The following CPEB2 variants were observed in gnomAD, a reference collection of about 807,000 sequenced individuals.
CPEB2 encodes cytoplasmic polyadenylation element binding protein 2.
CPEB2 carries 56 observed loss-of-function variants against 93.6 expected under a neutral mutation model. That is an observed-to-expected ratio of 0.60 (90% confidence interval 0.48 to 0.75). The LOEUF is 0.75. Among genes scored for constraint, CPEB2 ranks in the 30% least tolerant of loss-of-function variants. The pLI is 0.00. For missense variants in CPEB2, 1,579 were observed against 1,395.1 expected (o/e 1.13, Z -2.10); for synonymous variants, 764 against 586.3 (o/e 1.30, Z -4.38).
chr4:15,028,795 C>T (rs778168224), intron 4 of CPEB2, among the ~76,000 whole-genome samples: 14 of 151,978 alleles, frequency 9.2e-5, no homozygotes, highest in Non-Finnish European at 1.6e-4. Context: ...GTTTGAGGAA[C>T]AGCAGAGATC....
At chr4:15,046,812 G>A (rs959075524) in intron 6 of CPEB2, among the ~76,000 whole-genome samples, 1 of 152,092 alleles carries the variant, frequency 6.6e-6, no homozygotes, top group African/African-American at 2.4e-5. Context: ...GCAGAAAAAT[G>A]TCTAAATTTT....
chr4:15,017,629 T>C (rs1175280357), intron 4 of CPEB2, among the ~76,000 whole-genome samples: 1 of 151,850 alleles, frequency 6.6e-6, no homozygotes, highest in Non-Finnish European at 1.5e-5. Flanking sequence ...GTATTCACAA[T>C]TTGCAGTGAT....
chr4:15,040,508 A>G (rs995054156), intron 6 of CPEB2, 21 bp downstream of exon 6: 53 of 1,534,170 alleles, frequency 3.5e-5, no homozygotes, highest in Non-Finnish European at 4.4e-5. Context: ...TCTGTTTGCT[A>G]TGGTATAATT....
intron 3 of CPEB2, among the ~76,000 whole-genome samples, chr4:15,012,088 A>G (rs1441865945): frequency 6.6e-6 from 1 of 152,196 alleles, no homozygotes; most frequent in Non-Finnish European, 1.5e-5. Context: ...ACCAAACCCA[A>G]TTTGTTTATC....
chr4:15,024,027 A>G (rs1278298684), intron 4 of CPEB2, among the ~76,000 whole-genome samples: 2 of 152,030 alleles, frequency 1.3e-5, no homozygotes, highest in African/African-American at 4.8e-5. Flanking sequence ...CCTGGAATTA[A>G]TCATTATCTT....
chr4:15,028,726 T>G (rs1459429716), intron 4 of CPEB2, among the ~76,000 whole-genome samples: 1 of 150,906 alleles, frequency 6.6e-6, no homozygotes, highest in Non-Finnish European at 1.5e-5. Context: ...TCTGGGCAAA[T>G]GTATTTCAAG....
chr4:15,008,291 G>T, intron 2 of CPEB2, 47 bp from the exon 3 acceptor site: 1 of 1,341,996 alleles, frequency 7.5e-7, no homozygotes, highest in Non-Finnish European at 1.1e-6. Flanking sequence ...GGTGGGTATG[G>T]GGAAGACAAC....
chr4:15,038,724 G>A (rs1186610989), intron 5 of CPEB2, among the ~76,000 whole-genome samples: 1 of 152,016 alleles, frequency 6.6e-6, no homozygotes, highest in Non-Finnish European at 1.5e-5. Context: ...GAGTAGCTGG[G>A]ACTACAGGTG....
intron 5 of CPEB2, among the ~76,000 whole-genome samples, chr4:15,035,970 T>C (rs1726567288): frequency 6.6e-6 from 1 of 152,206 alleles, no homozygotes; most frequent in Non-Finnish European, 1.5e-5. Flanking sequence ...GGCAAATATA[T>C]CTGTAAACAT....
chr4:15,026,010 G>A (rs113722044), intron 4 of CPEB2, among the ~76,000 whole-genome samples: 2,716 of 152,070 alleles, frequency 0.018, 79 homozygotes, highest in African/African-American at 0.062. Context: ...TAACTGCCAC[G>A]TTAGGGATTT....
intron 6 of CPEB2, among the ~76,000 whole-genome samples, chr4:15,049,294 A>AT (rs1311708352): frequency 6.6e-6 from 1 of 151,274 alleles, no homozygotes; most frequent in East Asian, 1.9e-4. Flanking sequence ...TGTGATCCAT[A>AT]TTTTTTCTCA....
chr4:15,030,892 C>T (rs909099185), intron 4 of CPEB2, among the ~76,000 whole-genome samples: 1 of 152,004 alleles, frequency 6.6e-6, no homozygotes, highest in Non-Finnish European at 1.5e-5. Flanking sequence ...TATTTTATTA[C>T]CTGTATCTTG....
rs575161447 is a variant in CPEB2, at chr4:15,003,936, C to T, written c.1263C>T (p.Gly421=). 48 of 1,163,072 alleles carry T rather than the reference C, an allele frequency of 4.1e-5. No individual in the cohort carries two copies. The highest frequency in any genetic ancestry group is 4.8e-5 in the Non-Finnish European group (43 of 901,176). The allele number at this position is 1,163,072 out of a possible 1,614,324, so 72.0% of individuals were successfully genotyped here. ...CCCAGCCGCAGCCGCAGCCGCCCGG[C>T]TCGTCTGCCACCACCCCGGGCGGCG... ...QPPQPQPQPP[G]SSATTPGGGS... Residue 421 remains glycine, a synonymous_variant, in exon 1 of 12, where the codon GGC becomes GGT. Coordinates refer to ENST00000538197, the MANE Select transcript of CPEB2 (RefSeq NM_001177382.2).
chr4:15,028,808 T>C (rs1725757381), intron 4 of CPEB2, among the ~76,000 whole-genome samples: 1 of 152,068 alleles, frequency 6.6e-6, no homozygotes, highest in Non-Finnish European at 1.5e-5. Flanking sequence ...CAGAGATCAG[T>C]GTAGCAAAAA....
At chr4:15,064,362 T>C (rs2109113778) in intron 11 of CPEB2, among the ~76,000 whole-genome samples, 1 of 152,234 alleles carries the variant, frequency 6.6e-6, no homozygotes, top group Middle Eastern at 3.4e-3. Flanking sequence ...CAATTTTCCA[T>C]CTTTAAAGTC....
At chr4:15,048,564 CTCT>C (rs1325411391) in intron 6 of CPEB2, among the ~76,000 whole-genome samples, 2 of 151,824 alleles carry the variant, frequency 1.3e-5, no homozygotes, top group East Asian at 1.9e-4. Context: ...TGATTGATGT[CTCT>C]TTTTTGTTAC....
intron 4 of CPEB2, among the ~76,000 whole-genome samples, chr4:15,031,243 A>G (rs776484318): frequency 6.6e-6 from 1 of 151,896 alleles, no homozygotes; most frequent in Non-Finnish European, 1.5e-5. Context: ...TATGCTGAAC[A>G]GTGATACAGG....
chr4:15,021,274 C>G (rs1407662265), intron 4 of CPEB2, among the ~76,000 whole-genome samples: 1 of 152,038 alleles, frequency 6.6e-6, no homozygotes, highest in Non-Finnish European at 1.5e-5. Flanking sequence ...TATCTTGATT[C>G]TTGGCAAATA....
rs564266836 is a variant in CPEB2, at chr4:15,044,482, T to A, written c.2200+3995T>A. Among the ~76,000 whole-genome samples the A allele has an allele frequency of 2.0e-5, 3 of 152,286 alleles. No individual in the cohort carries two copies. In the South Asian group the frequency reaches 6.2e-4, roughly 32 times the overall value. ...AGTAAACCTAATTTTAAAGCATATA[T>A]ATCTAGAAATTAAATAAAATTTACA... is the stretch of plus-strand genomic sequence containing the variant. On this transcript the variant is annotated intron_variant, in intron 6 of 11. Coordinates refer to ENST00000538197, the MANE Select transcript of CPEB2 (RefSeq NM_001177382.2).
Sources: gnomAD v4.1 joint callset for allele counts (sites outside exome capture counted in the v4.1 genomes callset) on GRCh38, gnomAD v4.1.1 for gene constraint, MANE v1.5 for transcripts, NCBI Gene and HGNC (gene_info 2026-07-23, HGNC 2026-07-21) for gene names.